PRKG1: variants seen among roughly 807,000 people sequenced by gnomAD.
PRKG1 encodes protein kinase cGMP-dependent 1, also known as cGMP-dependent protein kinase 1.
In PRKG1, 35 loss-of-function variants were observed where a neutral mutation model predicts 88.1. That is an observed-to-expected ratio of 0.40 (90% CI 0.30 to 0.53). The LOEUF is 0.53. Among genes scored for constraint, PRKG1 ranks in the 20% least tolerant of loss-of-function variants. PRKG1 has a pLI of 0.59. For missense variants in PRKG1, 540 were observed against 839.8 expected (o/e 0.64, Z 4.41); for synonymous variants, 303 against 292.5 (o/e 1.04, Z -0.37).
chr10:51,034,666 A>AC (rs1554831107), intron 1 of PRKG1, among the ~76,000 whole-genome samples: 1 of 25,748 alleles, frequency 3.9e-5, no homozygotes, highest in Non-Finnish European at 6.9e-5. Flanking sequence ...ATAATATGTT[A>AC]TTTATATATA....
intron 2 of PRKG1, among the ~76,000 whole-genome samples, chr10:51,456,319 G>T (rs1282703699): frequency 6.6e-6 from 1 of 151,970 alleles, no homozygotes; most frequent in Non-Finnish European, 1.5e-5. Flanking sequence ...ATGAGATTTG[G>T]GTGAGGACAC....
intron 7 of PRKG1, among the ~76,000 whole-genome samples, chr10:52,080,085 T>A (rs572695900): frequency 6.6e-6 from 1 of 152,334 alleles, no homozygotes; most frequent in African/African-American, 2.4e-5. Context: ...TCTACTTCTT[T>A]GGCTTTATCT....
rs1025725738 is a variant in PRKG1 at position 51,364,030 on chromosome 10, A to G, written c.479-103693A>G. Among the ~76,000 whole-genome samples, 8 of 152,048 alleles carry G rather than the reference A, an allele frequency of 5.3e-5. No homozygotes were observed. In the East Asian group the frequency reaches 1.2e-3, roughly 22 times the overall value. ...TTTGAATAATGACAGAGAAACACTG[A>G]CCTCTCTTTTCCTGGGCTGAACTAA... On this transcript the variant is annotated intron_variant, in intron 2 of 17. Transcript: ENST00000373980.
intron 3 of PRKG1, among the ~76,000 whole-genome samples, chr10:51,646,983 A>G (rs979871690): frequency 6.6e-6 from 1 of 152,026 alleles, no homozygotes; most frequent in South Asian, 2.1e-4. Context: ...AAAATAAATT[A>G]AAAACTTTTG....
intron 1 of PRKG1, among the ~76,000 whole-genome samples, chr10:51,021,669 T>C (rs1243200824): frequency 6.6e-6 from 1 of 152,046 alleles, no homozygotes; most frequent in African/African-American, 2.4e-5. Flanking sequence ...ATAAAAAGCC[T>C]AGTTCTTTTT....
chr10:51,687,423 T>A (rs1050061622), intron 3 of PRKG1, among the ~76,000 whole-genome samples: 15 of 152,208 alleles, frequency 9.9e-5, no homozygotes, highest in Non-Finnish European at 4.4e-5. Context: ...CTGTTGAGGG[T>A]TTATTCACAC....
At chr10:52,225,292 T>C (rs1390575012) in intron 9 of PRKG1, among the ~76,000 whole-genome samples, 2 of 152,126 alleles carry the variant, frequency 1.3e-5, no homozygotes, top group African/African-American at 2.4e-5. Context: ...CTTTTGAGAA[T>C]TGTGTATTCA....
chr10:51,792,926 A>G (rs775048742), intron 3 of PRKG1, among the ~76,000 whole-genome samples: 17 of 152,134 alleles, frequency 1.1e-4, no homozygotes, highest in African/African-American at 1.7e-4. Flanking sequence ...GCTTTCTCAG[A>G]AAAAGTCAGT....
chr10:51,934,251 C>T (rs916607644), intron 5 of PRKG1, among the ~76,000 whole-genome samples: 2 of 116,788 alleles, frequency 1.7e-5, no homozygotes, highest in African/African-American at 6.2e-5. Context: ...ATTACACACA[C>T]ATACCCCCCC....
intron 9 of PRKG1, among the ~76,000 whole-genome samples, chr10:52,240,538 AAAACAAGTTTTAT>A (rs1840832450): frequency 6.6e-6 from 1 of 152,194 alleles, no homozygotes. Flanking sequence ...ATTCAAGTTT[AAAACAAGTTTTAT>A]TGATACACCA....
At chr10:51,325,333 T>A (rs1295448849) in intron 2 of PRKG1, among the ~76,000 whole-genome samples, 1 of 152,160 alleles carries the variant, frequency 6.6e-6, no homozygotes, top group Non-Finnish European at 1.5e-5. Flanking sequence ...TGATCTCAGC[T>A]CACTGCAACC....
At chr10:51,153,533 G>T (rs1466722011) in intron 2 of PRKG1, among the ~76,000 whole-genome samples, 1 of 151,902 alleles carries the variant, frequency 6.6e-6, no homozygotes, top group Non-Finnish European at 1.5e-5. Flanking sequence ...ATTAATATGA[G>T]AATCCAGTAT....
chr10:51,688,164 C>T (rs186241398), intron 3 of PRKG1, among the ~76,000 whole-genome samples: 74 of 152,020 alleles, frequency 4.9e-4, no homozygotes, highest in Admixed American at 2.4e-3. Flanking sequence ...TAAAGCAGTG[C>T]TTTTCAAACA....
At chr10:51,104,698 TTTTATTTATTTATTTATTTATTTA>T (rs35238475) in intron 1 of PRKG1, among the ~76,000 whole-genome samples, 1 of 136,154 alleles carries the variant, frequency 7.3e-6, no homozygotes, top group African/African-American at 2.7e-5. Flanking sequence ...TTTATTTTTA[TTTTATTTATTTATTTATTTATTTA>T]TTTATTTATT....
intron 1 of PRKG1, among the ~76,000 whole-genome samples, chr10:51,110,658 A>G (rs1416001200): frequency 6.6e-6 from 1 of 152,098 alleles, no homozygotes; most frequent in African/African-American, 2.4e-5. Flanking sequence ...TTATCGATTT[A>G]TATATTTTGT....
Position 51,038,422 on chromosome 10 carries a change from C to A in PRKG1, c.266+46778C>A, listed in dbSNP as rs183806350. ...GTGCTGTCAAATACTAAATCTTATT[C>A]ATTGTATCTAACTATATTTTTGTAC... On this transcript the variant is annotated intron_variant, in intron 1 of 17. Transcript: ENST00000401604. Among the ~76,000 whole-genome samples, 413 of 152,262 alleles carry A rather than the reference C, an allele frequency of 2.7e-3. 1 individual carries two copies. Among genetic ancestry groups the A allele is most frequent in the African/African-American group, 9.3e-3 (386 of 41,562 alleles).
At chr10:51,945,143 A>G (rs1842996697) in intron 5 of PRKG1, among the ~76,000 whole-genome samples, 1 of 149,966 alleles carries the variant, frequency 6.7e-6, no homozygotes, top group Non-Finnish European at 1.5e-5. Context: ...GTGCTCCTGT[A>G]TTGGGTGCAT....
At chr10:52,156,802 A>G (rs1200933339) in intron 8 of PRKG1, among the ~76,000 whole-genome samples, 1 of 151,820 alleles carries the variant, frequency 6.6e-6, no homozygotes, top group Non-Finnish European at 1.5e-5. Context: ...GCTAAGTAAA[A>G]CGTCTCAACT....
intron 9 of PRKG1, among the ~76,000 whole-genome samples, chr10:52,241,488 C>T (rs1377080759): frequency 5.3e-5 from 8 of 152,100 alleles, no homozygotes; most frequent in African/African-American, 9.7e-5. Flanking sequence ...TGTTATACTC[C>T]TAGAGGCCAT....
Sources: gnomAD v4.1 joint callset for allele counts (sites outside exome capture counted in the v4.1 genomes callset) on GRCh38, gnomAD v4.1.1 for gene constraint, MANE v1.5 for transcripts, NCBI Gene and HGNC (gene_info 2026-07-23, HGNC 2026-07-21) for gene names.